ENPP3: variants seen among roughly 807,000 people sequenced by gnomAD.
ENPP3 encodes the protein ectonucleotide pyrophosphatase/phosphodiesterase 3.
A neutral mutation model predicts 117.8 loss-of-function variants in ENPP3; 104 were observed. That is an observed-to-expected ratio of 0.88 (90% confidence interval 0.75 to 1.04). The LOEUF is 1.04. Among genes scored for constraint, ENPP3 ranks in the 50% least tolerant of loss-of-function variants. ENPP3 has a pLI of 0.00. For missense variants in ENPP3, 1,026 were observed against 1,051.9 expected, an observed-to-expected ratio of 0.98 and a Z score of 0.34; for synonymous variants, 380 against 349.9, an observed-to-expected ratio of 1.09 and a Z score of -0.96.
chr6:131,667,195 G>A (rs939495858), intron 6 of ENPP3, among the ~76,000 whole-genome samples: 12 of 151,950 alleles, frequency 7.9e-5, no homozygotes, highest in Non-Finnish European at 1.6e-4. Flanking sequence ...GGACTATGGT[G>A]ACTAATATGC....
intron 1 of ENPP3, among the ~76,000 whole-genome samples, chr6:131,640,668 GTAATT>G (rs1778022677): frequency 6.6e-6 from 1 of 152,140 alleles, no homozygotes; most frequent in South Asian, 2.1e-4. Context: ...ACTTTCCTAA[GTAATT>G]TGATTACGTG....
chr6:131,727,191 A>G (rs1455896899), intron 20 of ENPP3, among the ~76,000 whole-genome samples: 1 of 152,220 alleles, frequency 6.6e-6, no homozygotes, highest in Non-Finnish European at 1.5e-5. Context: ...TAGTTACTAC[A>G]TGAACAAAGG....
intron 12 of ENPP3, among the ~76,000 whole-genome samples, chr6:131,683,688 C>T (rs1179443168): frequency 6.6e-6 from 1 of 151,562 alleles, no homozygotes; most frequent in African/African-American, 2.4e-5. Flanking sequence ...GAGACACCCT[C>T]TGCCACCTCA....
At chr6:131,661,364 C>T (rs1270866191) in intron 6 of ENPP3, among the ~76,000 whole-genome samples, 1 of 152,130 alleles carries the variant, frequency 6.6e-6, no homozygotes, top group South Asian at 2.1e-4. Flanking sequence ...CCAATTTCTG[C>T]ATATCTTCAT....
chr6:131,683,976 C>A (rs1437454566), intron 12 of ENPP3, among the ~76,000 whole-genome samples: 1 of 152,154 alleles, frequency 6.6e-6, no homozygotes, highest in African/African-American at 2.4e-5. Flanking sequence ...TAGTCTCAAT[C>A]TCCTGACTTT....
intron 1 of ENPP3, chr6:131,638,549 A>C (rs748314795): frequency 4.8e-6 from 2 of 417,134 alleles, no homozygotes; most frequent in Admixed American, 3.2e-5. Context: ...GACCACAGGC[A>C]CATGCCACAA....
chr6:131,704,463 T>C (rs1158268502), intron 15 of ENPP3, among the ~76,000 whole-genome samples: 2 of 114,114 alleles, frequency 1.8e-5, no homozygotes, highest in East Asian at 5.1e-4. Context: ...AAATTTACTT[T>C]TGAAAATTTT....
intron 15 of ENPP3, among the ~76,000 whole-genome samples, chr6:131,713,358 G>GT (rs1368462917): frequency 2.0e-5 from 3 of 151,002 alleles, no homozygotes; most frequent in Non-Finnish European, 4.4e-5. Context: ...AGATTGTATA[G>GT]TTTTTTATGG....
At chr6:131,652,723 G>A in intron 4 of ENPP3, 56 bp downstream of exon 4, 1 of 1,609,520 alleles carries the variant, frequency 6.2e-7, no homozygotes, top group Non-Finnish European at 8.5e-7. Flanking sequence ...AACTCCATGA[G>A]TTTCCTAGAG....
intron 15 of ENPP3, among the ~76,000 whole-genome samples, chr6:131,694,671 T>A (rs1779361166): frequency 6.6e-6 from 1 of 151,464 alleles, no homozygotes; most frequent in East Asian, 1.9e-4. Context: ...ATACAAAAAA[T>A]TAATAAAAAT....
intron 5 of ENPP3, among the ~76,000 whole-genome samples, chr6:131,654,918 T>C (rs1456107251): frequency 1.3e-5 from 2 of 152,214 alleles, no homozygotes; most frequent in Non-Finnish European, 2.9e-5. Flanking sequence ...GTCCTGATTT[T>C]GCCTGTAGGT....
In ENPP3 at chr6:131,650,134, A is replaced by C; in HGVS notation, c.262A>C (p.Thr88Pro). The change falls in exon 3 of 25, where the codon ACC (threonine) becomes CCC (proline). Residue 88 changes from threonine (T) to proline (P), a missense_variant. Thr to Pro is a conservative substitution (Grantham distance 38). Transcript: ENST00000357639. ...RGDCCWDFED[T>P]CVESTRIWMC... The stretch of plus-strand genomic sequence containing the variant: ...TGATTGCTGCTGGGATTTTGAAGAC[A>C]CCTGTGTGGAATCAAGTATGAGTTC... 3 of 1,614,028 alleles carry C rather than the reference A, an allele frequency of 1.9e-6. No individual in the cohort carries two copies. In the East Asian group the frequency reaches 6.7e-5, roughly 36 times the overall value.
At chr6:131,697,765 T>C (rs1241056890) in intron 15 of ENPP3, among the ~76,000 whole-genome samples, 2 of 152,164 alleles carry the variant, frequency 1.3e-5, no homozygotes, top group Admixed American at 6.5e-5. Flanking sequence ...TAATGCTTAC[T>C]GACCCACCAC....
intron 6 of ENPP3, among the ~76,000 whole-genome samples, chr6:131,664,028 T>C (rs972679476): frequency 6.6e-6 from 1 of 152,202 alleles, no homozygotes; most frequent in African/African-American, 2.4e-5. Flanking sequence ...TGTGCCAAGC[T>C]TATACTATAC....
chr6:131,718,779 A>G (rs778926216), intron 16 of ENPP3, 41 bp downstream of exon 16: 1 of 1,245,184 alleles, frequency 8.0e-7, no homozygotes, highest in Non-Finnish European at 1.2e-6. Context: ...TTTTAAGTTC[A>G]GGGGTACATG....
chr6:131,683,269 A>G (rs1240650502), intron 12 of ENPP3, 107 bp downstream of exon 12: 9 of 632,846 alleles, frequency 1.4e-5, no homozygotes, highest in Middle Eastern at 6.3e-4. Context: ...TCCAGACCTA[A>G]AGTCTCTTGA....
intron 7 of ENPP3, among the ~76,000 whole-genome samples, chr6:131,672,882 A>T (rs899079941): frequency 6.6e-6 from 1 of 152,088 alleles, no homozygotes; most frequent in Non-Finnish European, 1.5e-5. Context: ...GGATTAAATA[A>T]ATGATTGGAT....
chr6:131,685,194 C>T (rs971459842), intron 12 of ENPP3, among the ~76,000 whole-genome samples, 170 bp from the exon 13 acceptor site: 2 of 152,154 alleles, frequency 1.3e-5, no homozygotes, highest in Admixed American at 1.3e-4. Flanking sequence ...GACCCTTCTC[C>T]ACTGCCACAA....
At chr6:131,679,885 C>T (rs1203948692) in intron 11 of ENPP3, among the ~76,000 whole-genome samples, 10 of 152,108 alleles carry the variant, frequency 6.6e-5, no homozygotes, top group East Asian at 3.9e-4. Flanking sequence ...AGCTGTTGGA[C>T]AAGCTATGAG....
Sources: allele counts gnomAD v4.1 joint callset (sites outside exome capture counted in the v4.1 genomes callset), GRCh38; gene constraint gnomAD v4.1.1; transcripts MANE v1.5; gene names NCBI Gene and HGNC (gene_info 2026-07-23, HGNC 2026-07-21).